SGCE: variants seen among roughly 807,000 people sequenced by gnomAD.
SGCE encodes the protein epsilon-sarcoglycan.
Under a neutral mutation model 57.8 loss-of-function variants are expected in SGCE, and 26 were observed. That is an observed-to-expected ratio of 0.45 (90% CI 0.33 to 0.62). The LOEUF is 0.62. Ranked by LOEUF, SGCE falls within the 20% of genes least tolerant of loss-of-function variation. SGCE has a pLI of 0.02. For missense variants in SGCE, 468 were observed against 548.6 expected (o/e 0.85, Z 1.47); for synonymous variants, 183 against 189.5 (o/e 0.97, Z 0.28).
At chr7:94,587,045 G>A in intron 10 of SGCE, 1 of 984,630 alleles carries the variant, frequency 1.0e-6, no homozygotes, top group East Asian at 1.1e-4. Context: ...AAAAAGGAGA[G>A]CAAAGCTTTC....
Position 94,603,384 on chromosome 7 carries a change from T to C in SGCE, c.731A>G (p.Asn244Ser). 6.2e-7 allele frequency: 1 copy of C among 1,612,648 alleles called. No homozygotes were observed. Among genetic ancestry groups the C allele is most frequent in the Middle Eastern group, 1.7e-4 (1 of 6,052 alleles). ...CATTTCTTGACTACATCTCAATTGA[T>C]TCTGTGGATTTTCAACTTCTCGTAA... ...SCLREVENPQNQLRCSQEMEP... is the reference protein window; with the variant it reads ...SCLREVENPQSQLRCSQEMEP... The change falls in exon 6 of 11, where the codon AAT (asparagine) becomes AGT (serine). Residue 244 changes from asparagine to serine, a missense_variant. Asn to Ser is a conservative substitution (Grantham distance 46, BLOSUM62 1). Coordinates refer to ENST00000648936, the MANE Select transcript of SGCE (RefSeq NM_003919.3).
intron 9 of SGCE, among the ~76,000 whole-genome samples, chr7:94,595,581 T>C: frequency 6.6e-6 from 1 of 152,048 alleles, no homozygotes; most frequent in Non-Finnish European, 1.5e-5. Flanking sequence ...AGTACTGTAA[T>C]GCCTCCCAAA....
At chr7:94,650,220 G>A (rs895188383) in intron 1 of SGCE, among the ~76,000 whole-genome samples, 7 of 152,148 alleles carry the variant, frequency 4.6e-5, no homozygotes, top group Non-Finnish European at 8.8e-5. Context: ...TAACTGTTAA[G>A]TTTTGTAGGG....
At chr7:94,629,551 G>T in intron 2 of SGCE, 168 bp downstream of exon 2, 2 of 653,230 alleles carry the variant, frequency 3.1e-6, no homozygotes, top group South Asian at 1.9e-5. Context: ...ATTTTTGTCT[G>T]TAATTAAATT....
At chr7:94,644,672 A>C (rs1311913615) in intron 1 of SGCE, 1 of 1,279,566 alleles carries the variant, frequency 7.8e-7, no homozygotes. Flanking sequence ...ATTCCACTGT[A>C]AGGGGGATGA....
chr7:94,596,059 T>G (rs182239188), intron 9 of SGCE, among the ~76,000 whole-genome samples: 1 of 152,200 alleles, frequency 6.6e-6, no homozygotes, highest in Admixed American at 6.5e-5. Flanking sequence ...ATCTGAATAA[T>G]GTGAAGGTTT....
intron 5 of SGCE, among the ~76,000 whole-genome samples, chr7:94,615,114 A>G (rs1451318699): frequency 1.3e-5 from 2 of 152,144 alleles, no homozygotes; most frequent in African/African-American, 4.8e-5. Context: ...TAAGCCCAGC[A>G]CTCTGGGAGG....
chr7:94,621,204 T>C (rs1356072405), intron 4 of SGCE: 2 of 152,198 alleles, frequency 1.3e-5, no homozygotes, highest in African/African-American at 4.8e-5. Flanking sequence ...TGCTCAAACA[T>C]GTACATCCTA....
intron 1 of SGCE, among the ~76,000 whole-genome samples, chr7:94,645,070 C>T (rs1056800690): frequency 1.3e-5 from 2 of 152,126 alleles, no homozygotes; most frequent in Non-Finnish European, 2.9e-5. Context: ...CACCCCAGGT[C>T]TTATGTTTAC....
At chr7:94,643,682 CTA>C (rs1029625207) in intron 1 of SGCE, among the ~76,000 whole-genome samples, 5 of 152,110 alleles carry the variant, frequency 3.3e-5, no homozygotes, top group Non-Finnish European at 5.9e-5. Flanking sequence ...AGGGAAATAA[CTA>C]TTTATTTTTA....
intron 3 of SGCE, chr7:94,623,745 AAAC>A (rs1803211393): frequency 2.5e-6 from 1 of 396,924 alleles, no homozygotes; most frequent in Admixed American, 4.3e-5. Flanking sequence ...TTCAAAAAAA[AAAC>A]AATAATTTTT....
intron 9 of SGCE, chr7:94,589,646 G>T (rs934653173): frequency 3.9e-5 from 6 of 152,520 alleles, no homozygotes; most frequent in African/African-American, 1.4e-4. Context: ...GGCAGCAGTA[G>T]ACGGTCATAG....
chr7:94,630,716 G>A (rs1197019207), intron 1 of SGCE, among the ~76,000 whole-genome samples: 7 of 151,690 alleles, frequency 4.6e-5, no homozygotes, highest in Admixed American at 2.0e-4. Context: ...GATCTCTTTT[G>A]GGTTTCTATA....
At chr7:94,588,317 G>C (rs1372410049) in intron 10 of SGCE, 1 of 1,073,234 alleles carries the variant, frequency 9.3e-7, no homozygotes, top group Non-Finnish European at 1.1e-6. Context: ...TTTTGTAAGA[G>C]AGCTTGAAAC....
In SGCE at chr7:94,588,569, GAC is replaced by G; in HGVS notation, c.1297+118_1297+119del. 2.0e-6 allele frequency: 3 copies of G among 1,530,584 alleles called. No homozygotes were observed. The South Asian group carries it at 3.6e-5, about 18-fold the overall frequency. The allele number at this position is 1,530,584 out of a possible 1,614,324, so 94.8% of individuals were successfully genotyped here. On this transcript the variant is annotated intron_variant, in intron 10 of 10. Coordinates refer to ENST00000648936, the MANE Select transcript of SGCE (RefSeq NM_003919.3). Reference sequence around the variant, plus strand: ...GAGGTTTTAAGTCTGATTAAGGAATGACACAAGTGTTTTGCCTTATTTGGTGA... The same window carrying G: ...GAGGTTTTAAGTCTGATTAAGGAATGACAAGTGTTTTGCCTTATTTGGTGA...
rs1562832897 is a variant in SGCE at position 94,614,106 on chromosome 7, T to TAAAA, written c.662+4651_662+4652insTTTT. Among the ~76,000 whole-genome samples the TAAAA allele has an allele frequency of 3.0e-3, 166 of 54,956 alleles. 3 individuals are homozygous for TAAAA. The highest frequency in any genetic ancestry group is 4.2e-3 in the Non-Finnish European group (121 of 28,980). The allele number at this position is 54,956 out of a possible 152,430, so 36.1% of individuals were successfully genotyped here. On this transcript the variant is annotated intron_variant, in intron 5 of 10. Transcript: ENST00000648936. ...TAATTTTCTTGTACCCAAATTGAAA[T>TAAAA]CAAAAAAAAAAAAAAAAAAAAAAAC...
intron 5 of SGCE, among the ~76,000 whole-genome samples, chr7:94,606,469 A>G (rs1014202531): frequency 6.6e-6 from 1 of 152,214 alleles, no homozygotes; most frequent in African/African-American, 2.4e-5. Context: ...AGTGCATCAA[A>G]TTACATGAGG....
At chr7:94,636,686 G>A (rs1805632440) in intron 1 of SGCE, among the ~76,000 whole-genome samples, 1 of 152,128 alleles carries the variant, frequency 6.6e-6, no homozygotes, top group South Asian at 2.1e-4. Context: ...GGGTGCTGAG[G>A]TAGAATGTCA....
At chr7:94,585,602 G>T in intron 10 of SGCE, 87 bp from the exon 11 acceptor site, 1 of 855,632 alleles carries the variant, frequency 1.2e-6, no homozygotes, top group Non-Finnish European at 2.0e-6. Flanking sequence ...ATGGCAAGGA[G>T]AAAGTTTCCA....
Sources: allele counts gnomAD v4.1 joint callset (sites outside exome capture counted in the v4.1 genomes callset), GRCh38; gene constraint gnomAD v4.1.1; transcripts MANE v1.5; gene names NCBI Gene and HGNC (gene_info 2026-07-23, HGNC 2026-07-21).